The following ROBO2 variants were observed in gnomAD, a reference collection of about 807,000 sequenced individuals.
ROBO2 encodes the protein roundabout homolog 2.
Under a neutral mutation model 160.8 loss-of-function variants are expected in ROBO2, and 53 were observed. The ratio of observed to expected loss-of-function variants is 0.33; its 90% confidence interval spans 0.26 to 0.41. The LOEUF is 0.41. ROBO2 is among the 10% of genes least tolerant of loss of function. ROBO2 has a pLI of 1.00. For missense variants in ROBO2, 1,577 were observed against 1,722.4 expected (o/e 0.92, Z 1.49); for synonymous variants, 664 against 611.7 (o/e 1.09, Z -1.26).
chr3:76,436,267 T>G (rs1188363571), intron 2 of ROBO2, among the ~76,000 whole-genome samples: 2 of 152,226 alleles, frequency 1.3e-5, no homozygotes, highest in African/African-American at 4.8e-5. Context: ...TAGTTACATA[T>G]GTATACATGT....
intron 2 of ROBO2, among the ~76,000 whole-genome samples, chr3:76,873,583 G>A (rs904079063): frequency 8.6e-5 from 13 of 151,986 alleles, no homozygotes; most frequent in South Asian, 2.1e-4. Flanking sequence ...AGTCGTCGTC[G>A]TCGTCGTTGT....
At chr3:76,236,179 A>T (rs1475955360) in intron 2 of ROBO2, among the ~76,000 whole-genome samples, 1 of 152,000 alleles carries the variant, frequency 6.6e-6, no homozygotes, top group Non-Finnish European at 1.5e-5. Flanking sequence ...TTAATTTTCT[A>T]TTTATATAAT....
At position 77,229,811 on chromosome 3, in the gene ROBO2, T is replaced by C. The variant is rs538755061; in HGVS notation, c.388+131471T>C. Among the ~76,000 whole-genome samples, 3 of 152,342 alleles carry C rather than the reference T, an allele frequency of 2.0e-5. No homozygotes were observed. The East Asian group carries it at 5.8e-4, about 29-fold the overall frequency. ...AATTTTTCTTCCTTCTAGGTGATAT[T>C]TATTTCAACCCGTTGAAATCAAGAG... is the stretch of plus-strand genomic sequence containing the variant. On this transcript the variant is annotated intron_variant, in intron 2 of 25. Coordinates refer to ENST00000461745, the Ensembl canonical transcript of ROBO2.
At chr3:76,783,765 G>A (rs2062807088) in intron 2 of ROBO2, among the ~76,000 whole-genome samples, 1 of 150,756 alleles carries the variant, frequency 6.6e-6, no homozygotes, top group African/African-American at 2.4e-5. Flanking sequence ...TCAATATTTA[G>A]ATTTGGGGAG....
chr3:76,671,424 G>A (rs1161936520), intron 2 of ROBO2, among the ~76,000 whole-genome samples: 1 of 152,064 alleles, frequency 6.6e-6, no homozygotes, highest in African/African-American at 2.4e-5. Flanking sequence ...ACCCTGATTT[G>A]AAAAGCTATT....
intron 2 of ROBO2, among the ~76,000 whole-genome samples, chr3:76,900,481 A>G (rs1005919845): frequency 1.3e-5 from 2 of 152,148 alleles, no homozygotes; most frequent in Non-Finnish European, 2.9e-5. Flanking sequence ...AGTATTTTCA[A>G]TGTGCATAAA....
At chr3:76,496,076 A>G (rs984511510) in intron 2 of ROBO2, among the ~76,000 whole-genome samples, 17 of 152,210 alleles carry the variant, frequency 1.1e-4, no homozygotes, top group African/African-American at 4.1e-4. Flanking sequence ...CTTTACTTCA[A>G]CAAGCCCTCA....
At chr3:76,127,810 T>C (rs2071050664) in intron 2 of ROBO2, among the ~76,000 whole-genome samples, 1 of 151,714 alleles carries the variant, frequency 6.6e-6, no homozygotes, top group East Asian at 1.9e-4. Context: ...ACAAAATATC[T>C]ATGAAGCAAA....
chr3:76,260,982 G>A (rs1706707957), intron 2 of ROBO2, among the ~76,000 whole-genome samples: 1 of 151,888 alleles, frequency 6.6e-6, no homozygotes, highest in South Asian at 2.1e-4. Flanking sequence ...AAAAATGTAG[G>A]GCTTCAAGAC....
rs142251921 is a variant in ROBO2 at position 76,361,022 on chromosome 3, C to A, written c.109+423420C>A. Among the ~76,000 whole-genome samples the A allele has an allele frequency of 8.1e-4, 123 of 152,164 alleles. No homozygotes were observed. The East Asian group carries it at 0.021, about 26-fold the overall frequency. On this transcript the variant is annotated intron_variant, in intron 2 of 26. Coordinates refer to the ROBO2 transcript ENST00000487694. ...GTTTAGTTAAGTCGTTACTGTGCAG[C>A]TGACAAAATCTCAATTGATACAACC...
chr3:76,735,136 A>G (rs961617591), intron 2 of ROBO2, among the ~76,000 whole-genome samples: 5 of 152,218 alleles, frequency 3.3e-5, no homozygotes, highest in Non-Finnish European at 5.9e-5. Context: ...AGATGCAATC[A>G]TATGTTCATC....
chr3:77,519,636 C>G (rs1297021283), intron 5 of ROBO2, among the ~76,000 whole-genome samples: 2 of 151,362 alleles, frequency 1.3e-5, no homozygotes, highest in Non-Finnish European at 3.0e-5. Context: ...GTGTAGTATT[C>G]CATGGTATAT....
intron 2 of ROBO2, among the ~76,000 whole-genome samples, chr3:77,230,855 C>A (rs937443853): frequency 1.3e-5 from 2 of 152,192 alleles, no homozygotes; most frequent in South Asian, 2.1e-4. Context: ...TACTCTTTTG[C>A]GATCTTTTTA....
intron 5 of ROBO2, among the ~76,000 whole-genome samples, chr3:77,518,926 T>C (rs1303580438): frequency 1.3e-5 from 2 of 151,508 alleles, no homozygotes; most frequent in South Asian, 2.1e-4. Context: ...TACTTACATG[T>C]TTTCTAACAA....
chr3:76,922,083 G>A (rs1018842861), intron 2 of ROBO2, among the ~76,000 whole-genome samples: 3 of 152,094 alleles, frequency 2.0e-5, no homozygotes, highest in Non-Finnish European at 2.9e-5. Context: ...AGACCAAGGC[G>A]GGCAGATCAA....
chr3:77,009,883 T>G (rs1361446805), intron 2 of ROBO2, among the ~76,000 whole-genome samples: 1 of 145,702 alleles, frequency 6.9e-6, no homozygotes, highest in Non-Finnish European at 1.5e-5. Flanking sequence ...GAGGTGGAGG[T>G]TGCAGTGAGC....
chr3:76,907,488 C>T (rs1252066133), intron 2 of ROBO2, among the ~76,000 whole-genome samples: 4 of 151,986 alleles, frequency 2.6e-5, no homozygotes, highest in Admixed American at 6.6e-5. Flanking sequence ...CTTTTGTTCC[C>T]CCTCTTTCTT....
At chr3:76,770,767 G>A (rs866206251) in intron 2 of ROBO2, among the ~76,000 whole-genome samples, 8 of 151,272 alleles carry the variant, frequency 5.3e-5, no homozygotes, top group Non-Finnish European at 3.0e-5. Context: ...CAAAGAAGAT[G>A]AAAAATGGAA....
At chr3:77,100,407 A>G (rs778223660) in intron 2 of ROBO2, among the ~76,000 whole-genome samples, 2 of 152,154 alleles carry the variant, frequency 1.3e-5, no homozygotes, top group African/African-American at 2.4e-5. Context: ...TCAGTCTTCT[A>G]TCTTTCCTTA....
Sources: gnomAD v4.1 joint callset for allele counts (sites outside exome capture counted in the v4.1 genomes callset) on GRCh38, gnomAD v4.1.1 for gene constraint, MANE v1.5 for transcripts, NCBI Gene and HGNC (gene_info 2026-07-23, HGNC 2026-07-21) for gene names.